The following NRXN1 variants were observed in gnomAD, a reference collection of about 807,000 sequenced individuals.
NRXN1 encodes neurexin-1.
In NRXN1, 39 loss-of-function variants were observed where a neutral mutation model predicts 150.9. The ratio of observed to expected loss-of-function variants is 0.26; its 90% CI spans 0.20 to 0.34. The LOEUF (loss-of-function observed/expected upper bound fraction) is 0.34. Ranked by LOEUF, NRXN1 falls within the 10% of genes least tolerant of loss-of-function variation. The pLI is 1.00. For synonymous variants in NRXN1, 924 were observed against 757.0 expected (o/e 1.22, Z -3.62); for missense variants, 1,815 against 1,949.9 (o/e 0.93, Z 1.30).
intron 5 of NRXN1, among the ~76,000 whole-genome samples, chr2:50,667,212 T>C (rs1471717982): frequency 3.9e-5 from 6 of 151,960 alleles, no homozygotes; most frequent in South Asian, 4.1e-4. Flanking sequence ...TGCACTTTTC[T>C]TTTTCTGATG....
At position 50,964,035 on chromosome 2, in the gene NRXN1, A is replaced by G. The variant is rs1385497248; in HGVS notation, c.773-38080T>C. ...CTAATCAGCATTTAATTTTTTGCCTACTATGCAGAAGAATATGAAATGAAG... is the reference window on the plus strand; with the variant it reads ...CTAATCAGCATTTAATTTTTTGCCTGCTATGCAGAAGAATATGAAATGAAG... On this transcript the variant is annotated intron_variant, in intron 2 of 22. Coordinates refer to ENST00000401669, the MANE Select transcript of NRXN1 (RefSeq NM_001330078.2). The G allele has an allele frequency of 9.4e-6, 4 of 427,566 alleles. 1 individual carries two copies. The highest frequency in any genetic ancestry group is 2.0e-5 in the African/African-American group (1 of 48,876). The allele number at this position is 427,566 out of a possible 1,614,324, so 26.5% of individuals were successfully genotyped here. A position where few individuals can be genotyped will look rare whatever the true frequency, so the allele number is the denominator to read the frequency against.
chr2:49,943,835 A>G, intron 21 of NRXN1, 44 bp from the exon 22 acceptor site: 2 of 1,362,422 alleles, frequency 1.5e-6, no homozygotes, highest in Non-Finnish European at 2.1e-6. Flanking sequence ...AAGGGTCCTA[A>G]CAGATTCTCT....
intron 17 of NRXN1, among the ~76,000 whole-genome samples, chr2:50,353,984 G>C (rs1174791767): frequency 2.0e-5 from 3 of 152,084 alleles, no homozygotes. Flanking sequence ...GCTAGTCCAG[G>C]GGAATGCCAA....
rs546348359 is a variant in NRXN1 at position 50,956,508 on chromosome 2, G to A, written c.773-30553C>T. 4.6e-5 allele frequency among the ~76,000 whole-genome samples: 7 copies of A among 152,194 alleles called. No homozygotes were observed. In the East Asian group the frequency reaches 1.4e-3, roughly 29 times the overall value. On this transcript the variant is annotated intron_variant, in intron 2 of 22. Coordinates refer to ENST00000401669, the MANE Select transcript of NRXN1 (RefSeq NM_001330078.2). ...CATGCCTGTAATCCCAACACTTTGG[G>A]AGGCCAAGGTGGGCAAACTGCTTGA...
At chr2:50,056,285 T>C (rs949265315) in intron 19 of NRXN1, among the ~76,000 whole-genome samples, 8 of 152,134 alleles carry the variant, frequency 5.3e-5, no homozygotes, top group Admixed American at 1.3e-4. Context: ...GCTACTCTTA[T>C]AATACATTAT....
At chr2:50,800,175 A>C (rs1013908911) in intron 5 of NRXN1, among the ~76,000 whole-genome samples, 5 of 152,114 alleles carry the variant, frequency 3.3e-5, no homozygotes, top group African/African-American at 1.2e-4. Flanking sequence ...GCTTATACTG[A>C]GTTCAAAGGT....
At chr2:50,567,482 T>A (rs6740444) in intron 8 of NRXN1, among the ~76,000 whole-genome samples, 1 of 151,766 alleles carries the variant, frequency 6.6e-6, no homozygotes, top group African/African-American at 2.4e-5. Flanking sequence ...ATGTTAAATC[T>A]CATATCACGA....
intron 21 of NRXN1, among the ~76,000 whole-genome samples, chr2:49,965,716 T>C (rs1004095264): frequency 2.6e-5 from 4 of 152,232 alleles, no homozygotes; most frequent in African/African-American, 4.8e-5. Flanking sequence ...TTTTGAAATT[T>C]ACTTTTCCAC....
At position 50,397,190 on chromosome 2, in the gene NRXN1, C is replaced by T. The variant is rs558392936; in HGVS notation, c.3364+68252G>A. On this transcript the variant is annotated intron_variant, in intron 17 of 22. Coordinates refer to ENST00000401669, the MANE Select transcript of NRXN1 (RefSeq NM_001330078.2). Reference sequence around the variant, plus strand: ...GAAGAAACTATGAGGAGAATCTGGTCGATGCATTTTGTAGTTAACACCGCA... The same window carrying T: ...GAAGAAACTATGAGGAGAATCTGGTTGATGCATTTTGTAGTTAACACCGCA... Among the ~76,000 whole-genome samples the T allele has an allele frequency of 4.6e-5, 7 of 152,094 alleles. No homozygotes were observed. In the East Asian group the frequency reaches 5.8e-4, roughly 13 times the overall value.
chr2:49,994,284 G>C (rs975728754), intron 21 of NRXN1, among the ~76,000 whole-genome samples: 12 of 152,140 alleles, frequency 7.9e-5, no homozygotes, highest in African/African-American at 1.4e-4. Flanking sequence ...ATATTAATAT[G>C]TGCAGGCAGA....
chr2:50,799,265 C>G (rs899392045), intron 5 of NRXN1, among the ~76,000 whole-genome samples: 1 of 152,166 alleles, frequency 6.6e-6, no homozygotes, highest in African/African-American at 2.4e-5. Flanking sequence ...TCACCTAAAT[C>G]TTTCACTATG....
intron 2 of NRXN1, among the ~76,000 whole-genome samples, chr2:51,019,066 T>TA (rs1669183290): frequency 6.6e-6 from 1 of 152,112 alleles, no homozygotes; most frequent in Non-Finnish European, 1.5e-5. Context: ...GAATGCTTTA[T>TA]TATAAGTCAG....
intron 17 of NRXN1, among the ~76,000 whole-genome samples, chr2:50,242,449 G>A (rs1218906244): frequency 2.0e-5 from 3 of 151,758 alleles, no homozygotes; most frequent in Non-Finnish European, 4.4e-5. Flanking sequence ...CTGAATTATT[G>A]TAAGTTCTTT....
rs76725537 is a variant in NRXN1 at position 50,881,318 on chromosome 2, T to G, written c.832+40551A>C. Among the ~76,000 whole-genome samples the G allele has an allele frequency of 4.2e-3, 637 of 152,072 alleles. 2 individuals are homozygous for G. Among genetic ancestry groups the G allele is most frequent in the Non-Finnish European group, 6.6e-3 (451 of 67,926 alleles). On this transcript the variant is annotated intron_variant, in intron 5 of 22. Transcript: ENST00000401669. ...AAGGGTATTTGATGCTAATGTACTT[T>G]GTTGCAATATATACACATTTCTCCC...
chr2:50,476,517 G>A (rs1371202437), intron 15 of NRXN1, among the ~76,000 whole-genome samples: 1 of 151,012 alleles, frequency 6.6e-6, no homozygotes, highest in East Asian at 1.9e-4. Context: ...AAAGCATCTA[G>A]TATACAGCAT....
intron 18 of NRXN1, among the ~76,000 whole-genome samples, chr2:50,098,830 GTTTTTTTTTTTTTTTTTTTTTTTTTTTTT>G (rs746736925): frequency 1.7e-4 from 18 of 105,566 alleles, no homozygotes; most frequent in African/African-American, 4.5e-4. Flanking sequence ...TTTGGTTTTA[GTTTTTTTTTTTTTTTTTTTTTTTTTTTTT>G]TTTTTTTTTT....
chr2:50,994,708 T>C (rs1340515866), intron 2 of NRXN1, among the ~76,000 whole-genome samples: 1 of 152,044 alleles, frequency 6.6e-6, no homozygotes, highest in Non-Finnish European at 1.5e-5. Flanking sequence ...AAGTTATAGA[T>C]AATATAAATT....
chr2:50,590,447 A>G (rs1350893317), intron 8 of NRXN1, among the ~76,000 whole-genome samples: 4 of 152,106 alleles, frequency 2.6e-5, no homozygotes, highest in Non-Finnish European at 4.4e-5. Flanking sequence ...TTTTCCCATG[A>G]CCTTAATACC....
intron 18 of NRXN1, among the ~76,000 whole-genome samples, chr2:50,110,210 G>C (rs969655254): frequency 2.0e-5 from 3 of 152,086 alleles, no homozygotes; most frequent in Admixed American, 2.0e-4. Context: ...AAGAATGTTG[G>C]CCGGGCGCGG....
Sources: allele counts gnomAD v4.1 joint callset (sites outside exome capture counted in the v4.1 genomes callset), GRCh38; gene constraint gnomAD v4.1.1; transcripts MANE v1.5; gene names NCBI Gene and HGNC (gene_info 2026-07-23, HGNC 2026-07-21).